The following IZUMO2 variants were observed in gnomAD, a reference collection of about 807,000 sequenced individuals.
IZUMO2 encodes izumo sperm-egg fusion protein 2.
IZUMO2 carries 24 observed loss-of-function variants against 31.2 expected under a neutral mutation model. The ratio of observed to expected loss-of-function variants is 0.77; its 90% CI spans 0.56 to 1.08. The LOEUF (loss-of-function observed/expected upper bound fraction) is 1.08. IZUMO2 is among the 50% of genes least tolerant of loss of function. IZUMO2 has a pLI of 0.00. For missense variants in IZUMO2, 278 were observed against 274.0 expected (o/e 1.01, Z -0.10); for synonymous variants, 144 against 117.3 (o/e 1.23, Z -1.47).
In IZUMO2 at chr19:50,159,574, G is replaced by A. The variant is rs1428846089; in HGVS notation, c.314C>T (p.Pro105Leu). The part of the protein sequence containing the change: ...HLMGNSLKDE[P>L]LLEELVTLRA... Reference sequence around the variant, plus strand: ...GAGGGTCACCAGCTCTTCCAGCAGAGGCTCATCTGAGGAGAGAAAGAGATC... The same window carrying A: ...GAGGGTCACCAGCTCTTCCAGCAGAAGCTCATCTGAGGAGAGAAAGAGATC... Residue 105 changes from proline (P) to leucine (L), a missense_variant, in exon 3 of 7, where the codon CCT (proline) becomes CTT (leucine). By Grantham distance (98) the Pro-to-Leu change is moderately conservative (BLOSUM62 -3). Transcript: ENST00000293405. 24 of 1,610,754 alleles carry A rather than the reference G, an allele frequency of 1.5e-5. No homozygotes were observed. In the Middle Eastern group the frequency reaches 5.0e-4, roughly 33 times the overall value.
At chr19:50,156,187 T>C (rs2030206634) in intron 5 of IZUMO2, among the ~76,000 whole-genome samples, 1 of 152,166 alleles carries the variant, frequency 6.6e-6, no homozygotes, top group Non-Finnish European at 1.5e-5. Flanking sequence ...TGGTTCTCAA[T>C]CTGGGATAAT....
intron 5 of IZUMO2, among the ~76,000 whole-genome samples, chr19:50,155,576 C>T (rs1272804936): frequency 6.6e-6 from 1 of 152,190 alleles, no homozygotes; most frequent in African/African-American, 2.4e-5. Flanking sequence ...CTCTTTCCTT[C>T]CATCAGCAAA....
chr19:50,158,097 G>A (rs977763165), intron 5 of IZUMO2, among the ~76,000 whole-genome samples, 171 bp downstream of exon 5: 3 of 152,044 alleles, frequency 2.0e-5, no homozygotes, highest in African/African-American at 4.8e-5. Flanking sequence ...ACAGATGGAG[G>A]AAAGTGAATT....
chr19:50,154,353 T>C (rs1860204897), intron 6 of IZUMO2, among the ~76,000 whole-genome samples: 1 of 133,064 alleles, frequency 7.5e-6, no homozygotes, highest in Non-Finnish European at 1.5e-5. Flanking sequence ...AAAGTTGTAA[T>C]GTGGCCCAGA....
intron 1 of IZUMO2, 40 bp from the exon 2 acceptor site, chr19:50,162,853 A>G (rs776552245): frequency 6.2e-7 from 1 of 1,606,226 alleles, no homozygotes; most frequent in South Asian, 1.1e-5. Context: ...TGAGCCCCCC[A>G]GAGAGCCAAG....
At chr19:50,157,958 G>A (rs1600813554) in intron 5 of IZUMO2, among the ~76,000 whole-genome samples, 1 of 151,002 alleles carries the variant, frequency 6.6e-6, no homozygotes, top group East Asian at 1.9e-4. Context: ...ATGAATGAAT[G>A]AATGAGTGAA....
chr19:50,158,472 C>A (rs2030290245), intron 4 of IZUMO2, 124 bp from the exon 5 acceptor site: 1 of 576,026 alleles, frequency 1.7e-6, no homozygotes, highest in Non-Finnish European at 3.1e-6. Context: ...ATAGGTCCCA[C>A]TGCCCAGCAG....
intron 6 of IZUMO2, among the ~76,000 whole-genome samples, chr19:50,154,264 G>GGTT (rs2030129512): frequency 2.5e-5 from 2 of 79,280 alleles, no homozygotes; most frequent in Non-Finnish European, 2.5e-5. Flanking sequence ...AACTTTTAGC[G>GGTT]TTTTTTTTTT....
At position 50,159,652 on chromosome 19, in the gene IZUMO2, G is replaced by A. The variant is rs116983059; in HGVS notation, c.308-72C>T. ...CCCACCCCACTACCTGAAGCTTCCA[G>A]GAGAAGAGATGAGGAAGCTCCTCTT... On this transcript the variant is annotated intron_variant, in intron 2 of 6. Coordinates refer to ENST00000293405, the MANE Select transcript of IZUMO2 (RefSeq NM_152358.3). 6.7e-4 allele frequency: 581 copies of A among 867,454 alleles called. 5 individuals are homozygous for A. In the East Asian group the frequency reaches 0.011, roughly 17 times the overall value. The allele number at this position is 867,454 out of a possible 1,614,324, so 53.7% of individuals were successfully genotyped here.
At chr19:50,159,308 TG>T in intron 3 of IZUMO2, 58 bp from the exon 4 acceptor site, 1 of 1,574,246 alleles carries the variant, frequency 6.4e-7, no homozygotes, top group Non-Finnish European at 8.7e-7. Flanking sequence ...ATAATTTAAT[TG>T]GAAAGGGATC....
intron 5 of IZUMO2, among the ~76,000 whole-genome samples, chr19:50,156,694 G>A (rs1164231803): frequency 1.3e-5 from 2 of 152,086 alleles, no homozygotes; most frequent in Non-Finnish European, 2.9e-5. Flanking sequence ...GGAGGCTGAG[G>A]TGGGCGAATC....
Position 50,154,585 on chromosome 19 carries a change from G to A in IZUMO2, c.623+15C>T, listed in dbSNP as rs756441076. 1 of 1,613,364 alleles carries A rather than the reference G, an allele frequency of 6.2e-7. No homozygotes were observed. Among genetic ancestry groups the A allele is most frequent in the Non-Finnish European group, 8.5e-7 (1 of 1,179,730 alleles). ...GGTTCCACGGGGGACTGAGGAGGGG[G>A]CAAGGATGACTCACGAGACCACGAT... is the stretch of plus-strand genomic sequence containing the variant. On this transcript the variant is annotated intron_variant, in intron 6 of 6. Transcript: ENST00000293405.
intron 4 of IZUMO2, among the ~76,000 whole-genome samples, chr19:50,158,800 G>A (rs2030298879): frequency 6.6e-6 from 1 of 152,082 alleles, no homozygotes; most frequent in Non-Finnish European, 1.5e-5. Context: ...GATCATGTGT[G>A]TCCCTTCCAG....
Position 50,162,743 on chromosome 19 carries a change from C to T in IZUMO2, c.303G>A (p.Leu101=). The change falls in exon 2 of 7, where the codon CTG becomes CTA. Residue 101 remains leucine (L), a synonymous_variant. Transcript: ENST00000293405. The part of the protein sequence containing the change: ...NQTQHLMGNS[L]KDEPLLEELV... ...GCGTTCCCTCGTCTCTCCTACCTTT[C>T]AGAGAGTTACCCATTAAGTGCTGCG... 2 of 1,613,702 alleles carry T rather than the reference C, an allele frequency of 1.2e-6. No homozygotes were observed. The highest frequency in any genetic ancestry group is 1.7e-6 in the Non-Finnish European group (2 of 1,179,626).
intron 6 of IZUMO2, among the ~76,000 whole-genome samples, chr19:50,153,060 CA>C (rs2030082075): frequency 6.6e-6 from 1 of 152,144 alleles, no homozygotes; most frequent in African/African-American, 2.4e-5. Flanking sequence ...ACGGTCTTTG[CA>C]GATGTAATTA....
chr19:50,152,819 C>T (rs961725321), intron 6 of IZUMO2, among the ~76,000 whole-genome samples, 168 bp from the exon 7 acceptor site: 13 of 152,016 alleles, frequency 8.6e-5, no homozygotes, highest in African/African-American at 1.5e-4. Flanking sequence ...CTCTGCCAAC[C>T]GGAGTTGGTG....
chr19:50,161,138 T>C (rs1470753030), intron 2 of IZUMO2, among the ~76,000 whole-genome samples: 1 of 151,822 alleles, frequency 6.6e-6, no homozygotes, highest in Admixed American at 6.6e-5. Flanking sequence ...TTTTTTTTTT[T>C]TTTGAGACGT....
intron 5 of IZUMO2, among the ~76,000 whole-genome samples, chr19:50,156,139 G>A (rs749332578): frequency 1.3e-5 from 2 of 152,118 alleles, no homozygotes; most frequent in Non-Finnish European, 2.9e-5. Flanking sequence ...TCTGGATCAA[G>A]CCTGTTTATT....
At chr19:50,154,091 C>T (rs2030121841) in intron 6 of IZUMO2, among the ~76,000 whole-genome samples, 2 of 150,156 alleles carry the variant, frequency 1.3e-5, no homozygotes, top group Non-Finnish European at 3.0e-5. Context: ...CACTTCCTCC[C>T]TAGGCACAGG....
Sources: gnomAD v4.1 joint callset for allele counts (sites outside exome capture counted in the v4.1 genomes callset) on GRCh38, gnomAD v4.1.1 for gene constraint, MANE v1.5 for transcripts, NCBI Gene and HGNC (gene_info 2026-07-23, HGNC 2026-07-21) for gene names.